The following DCBLD1 variants were observed in gnomAD, a reference collection of about 807,000 sequenced individuals.
DCBLD1 encodes the protein discoidin, CUB and LCCL domain containing 1.
Under a neutral mutation model 71.5 loss-of-function variants are expected in DCBLD1, and 57 were observed. That is an observed-to-expected ratio of 0.80 (90% CI 0.64 to 0.99). DCBLD1 has a LOEUF of 0.99. Among genes scored for constraint, DCBLD1 ranks in the 50% least tolerant of loss-of-function variants. DCBLD1 has a pLI of 0.00. For missense variants in DCBLD1, 891 were observed against 923.5 expected (o/e 0.96, Z 0.46); for synonymous variants, 380 against 363.8 (o/e 1.04, Z -0.51).
At chr6:117,563,187 C>A (rs948885542) in intron 14 of DCBLD1, 11 of 1,459,046 alleles carry the variant, frequency 7.5e-6, no homozygotes, top group Non-Finnish European at 1.0e-5. Flanking sequence ...GTCTTTGTCA[C>A]CATCTTCCCC....
chr6:117,564,186 C>G (rs1166878801), intron 14 of DCBLD1, among the ~76,000 whole-genome samples: 1 of 151,982 alleles, frequency 6.6e-6, no homozygotes. Flanking sequence ...CACTATGTTG[C>G]CCAGGTTGGT....
At chr6:117,559,968 A>G (rs1268672682) in intron 14 of DCBLD1, among the ~76,000 whole-genome samples, 1 of 152,230 alleles carries the variant, frequency 6.6e-6, no homozygotes, top group Non-Finnish European at 1.5e-5. Context: ...TCTAATGTTC[A>G]TAACATTTCT....
At chr6:117,495,357 T>G (rs923676582) in intron 1 of DCBLD1, among the ~76,000 whole-genome samples, 7 of 152,228 alleles carry the variant, frequency 4.6e-5, no homozygotes, top group Admixed American at 2.6e-4. Flanking sequence ...TTTGATACTT[T>G]AATAATGTGT....
intron 1 of DCBLD1, 110 bp from the exon 2 acceptor site, chr6:117,503,657 T>C: frequency 8.3e-7 from 1 of 1,199,692 alleles, no homozygotes; most frequent in Middle Eastern, 2.0e-4. Context: ...GTTTTCCTTC[T>C]GCCCAAAAAC....
At chr6:117,523,262 A>T (rs1583005219) in intron 4 of DCBLD1, among the ~76,000 whole-genome samples, 1 of 152,310 alleles carries the variant, frequency 6.6e-6, no homozygotes, top group East Asian at 1.9e-4. Flanking sequence ...GTTTAGATTA[A>T]AGATAAGGCC....
At chr6:117,544,680 A>G in intron 13 of DCBLD1, 103 bp downstream of exon 13, 1 of 1,264,464 alleles carries the variant, frequency 7.9e-7, no homozygotes, top group South Asian at 1.4e-5. Flanking sequence ...TTATTTGGTT[A>G]AAAGACATAA....
At chr6:117,482,915 G>A in intron 1 of DCBLD1, 22 bp downstream of exon 1, 2 of 1,183,252 alleles carry the variant, frequency 1.7e-6, no homozygotes, top group Non-Finnish European at 2.1e-6. Context: ...GCGTCCGGCT[G>A]GCGGCGGGAC....
Position 117,502,183 on chromosome 6 carries a change from C to T in DCBLD1, c.113-1584C>T, listed in dbSNP as rs148587911. Among the ~76,000 whole-genome samples, 866 of 152,312 alleles carry T rather than the reference C, an allele frequency of 5.7e-3. 7 individuals carry two copies. The highest frequency in any genetic ancestry group is 0.02 in the African/African-American group (818 of 41,572). On this transcript the variant is annotated intron_variant, in intron 1 of 14. Coordinates refer to ENST00000338728, the MANE Select transcript of DCBLD1 (RefSeq NM_001366458.2). Reference sequence around the variant, plus strand: ...ATACCTGTTTCGTTATCTTCCTACTCAAAAAATTCTATGTGTCTTTGTTGC... The same window carrying T: ...ATACCTGTTTCGTTATCTTCCTACTTAAAAAATTCTATGTGTCTTTGTTGC...
At chr6:117,567,435 A>G (rs997015227) in intron 14 of DCBLD1, among the ~76,000 whole-genome samples, 18 of 152,230 alleles carry the variant, frequency 1.2e-4, no homozygotes, top group African/African-American at 4.1e-4. Flanking sequence ...AGGATATCAT[A>G]CAAACCTTTC....
chr6:117,554,855 T>G (rs984470388), intron 14 of DCBLD1, among the ~76,000 whole-genome samples: 4 of 149,886 alleles, frequency 2.7e-5, no homozygotes, highest in African/African-American at 9.9e-5. Flanking sequence ...ATCGAGTCAC[T>G]GCACTCCAGC....
chr6:117,569,684 T>C, exon 15 of DCBLD1: 4 of 1,609,198 alleles, frequency 2.5e-6, no homozygotes, highest in Non-Finnish European at 3.4e-6. Flanking sequence ...ATCAGCAGGT[T>C]GCCCCGGATG....
At chr6:117,569,421 G>A in intron 14 of DCBLD1, 1 of 1,082,330 alleles carries the variant, frequency 9.2e-7, no homozygotes, top group Non-Finnish European at 1.3e-6. Flanking sequence ...AAATCTGACT[G>A]AATGTCAGCT....
downstream of DCBLD1, among the ~76,000 whole-genome samples, chr6:117,551,062 A>G (rs966871845): frequency 9.9e-5 from 15 of 152,070 alleles, no homozygotes; most frequent in African/African-American, 3.6e-4. Context: ...CCCACTACAG[A>G]TCCCCTGTCT....
At chr6:117,542,067 C>T (rs567328612) in intron 11 of DCBLD1, among the ~76,000 whole-genome samples, 8 of 152,090 alleles carry the variant, frequency 5.3e-5, no homozygotes, top group East Asian at 1.9e-4. Flanking sequence ...CCGAGGCGGG[C>T]GGATTGCCTG....
At chr6:117,511,911 G>A (rs1224743719) in intron 2 of DCBLD1, among the ~76,000 whole-genome samples, 1 of 152,178 alleles carries the variant, frequency 6.6e-6, no homozygotes, top group Non-Finnish European at 1.5e-5. Context: ...TATGGTTGAG[G>A]CTACTTTGGT....
chr6:117,512,253 A>G (rs1433061120), intron 2 of DCBLD1, among the ~76,000 whole-genome samples: 3 of 152,182 alleles, frequency 2.0e-5, no homozygotes, highest in Admixed American at 2.0e-4. Flanking sequence ...CCCCAAGGAA[A>G]GCCACACCTT....
At chr6:117,484,009 A>G (rs1349431809) in intron 1 of DCBLD1, among the ~76,000 whole-genome samples, 1 of 152,234 alleles carries the variant, frequency 6.6e-6, no homozygotes, top group Non-Finnish European at 1.5e-5. Flanking sequence ...CCAAAACCCT[A>G]AAGTGATTTT....
chr6:117,516,853 G>A (rs210613), intron 2 of DCBLD1, among the ~76,000 whole-genome samples: 108,199 of 152,072 alleles, frequency 0.71, 39,530 homozygotes, highest in African/African-American at 0.86. Context: ...CACTATCATG[G>A]GAACAGCATG....
intron 1 of DCBLD1, among the ~76,000 whole-genome samples, chr6:117,497,876 T>A (rs1777521862): frequency 6.6e-6 from 1 of 152,192 alleles, no homozygotes; most frequent in Non-Finnish European, 1.5e-5. Context: ...TATTATAGAA[T>A]ATTTAGAGGA....
Sources: gnomAD v4.1 joint callset for allele counts (sites outside exome capture counted in the v4.1 genomes callset) on GRCh38, gnomAD v4.1.1 for gene constraint, MANE v1.5 for transcripts, NCBI Gene and HGNC (gene_info 2026-07-23, HGNC 2026-07-21) for gene names.